GDPD1: variants seen among roughly 807,000 people sequenced by gnomAD.
The protein encoded by GDPD1 is lysophospholipase D GDPD1.
In GDPD1, 28 loss-of-function variants were observed where a neutral mutation model predicts 45.1. That is an observed-to-expected ratio of 0.62 (90% CI 0.46 to 0.85). GDPD1 has a LOEUF of 0.85. Among genes scored for constraint, GDPD1 ranks in the 40% least tolerant of loss-of-function variants. GDPD1 has a pLI of 0.00. For synonymous variants in GDPD1, 139 were observed against 131.4 expected, an observed-to-expected ratio of 1.06 and a Z score of -0.40; for missense variants, 256 against 364.8, an observed-to-expected ratio of 0.70 and a Z score of 2.43.
At chr17:59,235,816 CA>C (rs368914278) in intron 2 of GDPD1, among the ~76,000 whole-genome samples, 37,535 of 97,674 alleles carry the variant, frequency 0.38, 5,115 homozygotes, top group African/African-American at 0.48. Flanking sequence ...GACTCTATCT[CA>C]AAAAAAAAAA....
chr17:59,229,466 C>T (rs1649248510), intron 1 of GDPD1, among the ~76,000 whole-genome samples: 1 of 151,742 alleles, frequency 6.6e-6, no homozygotes, highest in Non-Finnish European at 1.5e-5. Context: ...CTCAGGTGAT[C>T]TGCCCGCCTC....
chr17:59,230,210 C>G (rs1308274597), intron 1 of GDPD1, among the ~76,000 whole-genome samples: 1 of 151,790 alleles, frequency 6.6e-6, no homozygotes, highest in Non-Finnish European at 1.5e-5. Context: ...GAAGGATAAA[C>G]TGTTGAAGTT....
At chr17:59,246,709 C>CAAAAAAAAAA (rs749077536) in intron 3 of GDPD1, among the ~76,000 whole-genome samples, 4 of 27,546 alleles carry the variant, frequency 1.5e-4, no homozygotes, top group African/African-American at 1.6e-4. Context: ...GACTCCATCT[C>CAAAAAAAAAA]AAAAAAAAAA....
chr17:59,226,161 A>C (rs1019471495), intron 1 of GDPD1, among the ~76,000 whole-genome samples: 5 of 152,196 alleles, frequency 3.3e-5, no homozygotes, highest in Non-Finnish European at 7.3e-5. Flanking sequence ...TCTTTGGTAC[A>C]AGTGGTCAGT....
chr17:59,234,197 A>C (rs2047113700), intron 1 of GDPD1, among the ~76,000 whole-genome samples: 1 of 151,956 alleles, frequency 6.6e-6, no homozygotes, highest in African/African-American at 2.4e-5. Context: ...AATACAAAAA[A>C]AAAATTAGCC....
intron 1 of GDPD1, among the ~76,000 whole-genome samples, chr17:59,221,839 G>A (rs1568335551): frequency 6.6e-6 from 1 of 152,134 alleles, no homozygotes; most frequent in African/African-American, 2.4e-5. Context: ...AAAACTTGGT[G>A]TAGTACCATA....
intron 6 of GDPD1, among the ~76,000 whole-genome samples, chr17:59,259,537 A>G (rs1392960317): frequency 7.2e-6 from 1 of 138,738 alleles, no homozygotes; most frequent in Non-Finnish European, 1.5e-5. Context: ...ACTGCACTCC[A>G]GCCTGGGTGA....
At chr17:59,272,691 G>A in intron 8 of GDPD1, 94 bp from the exon 9 acceptor site, 2 of 744,916 alleles carry the variant, frequency 2.7e-6, no homozygotes, top group South Asian at 3.0e-5. Context: ...CTGAAGCATT[G>A]GGATTAAATT....
chr17:59,241,784 T>C (rs1432892656), intron 2 of GDPD1, among the ~76,000 whole-genome samples: 2 of 151,806 alleles, frequency 1.3e-5, no homozygotes, highest in Non-Finnish European at 2.9e-5. Context: ...AAAAATTAGC[T>C]GGGCGTGGTG....
chr17:59,259,047 A>G (rs2047331580), intron 6 of GDPD1, among the ~76,000 whole-genome samples: 1 of 150,900 alleles, frequency 6.6e-6, no homozygotes, highest in Non-Finnish European at 1.5e-5. Context: ...TTTTTTTTTA[A>G]GAAAGAAATT....
At chr17:59,246,182 A>G (rs770325872) in intron 3 of GDPD1, among the ~76,000 whole-genome samples, 5 of 152,170 alleles carry the variant, frequency 3.3e-5, no homozygotes, top group Non-Finnish European at 5.9e-5. Flanking sequence ...ACGGAAGGAA[A>G]AATCATGCAT....
At chr17:59,268,504 G>C (rs536038704) in intron 7 of GDPD1, among the ~76,000 whole-genome samples, 2 of 149,326 alleles carry the variant, frequency 1.3e-5, no homozygotes, top group East Asian at 4.0e-4. Flanking sequence ...GCGTGAGCCT[G>C]GGAGGCAGAG....
intron 4 of GDPD1, among the ~76,000 whole-genome samples, chr17:59,255,918 C>A (rs2047305706): frequency 7.0e-6 from 1 of 143,174 alleles, no homozygotes; most frequent in South Asian, 2.2e-4. Context: ...CGTGGTGGTG[C>A]ATGCCTGTAG....
chr17:59,257,348 C>G (rs968018373), intron 5 of GDPD1, 108 bp downstream of exon 5: 1 of 639,828 alleles, frequency 1.6e-6, no homozygotes, highest in Admixed American at 2.8e-5. Flanking sequence ...AAATGTGATA[C>G]CCTAGGGATC....
chr17:59,235,405 T>C (rs1294310398), intron 2 of GDPD1, among the ~76,000 whole-genome samples: 1 of 152,200 alleles, frequency 6.6e-6, no homozygotes, highest in Admixed American at 6.6e-5. Context: ...GCTATTGTTT[T>C]TTCATATTCT....
chr17:59,272,972 G>T, intron 9 of GDPD1, 136 bp downstream of exon 9: 1 of 1,558,508 alleles, frequency 6.4e-7, no homozygotes, highest in South Asian at 1.2e-5. Context: ...CACAAATGAG[G>T]ACCTTAAGCT....
intron 1 of GDPD1, among the ~76,000 whole-genome samples, chr17:59,233,273 G>A (rs902516799): frequency 1.3e-5 from 2 of 152,114 alleles, no homozygotes; most frequent in Non-Finnish European, 2.9e-5. Flanking sequence ...CAGCACTTTG[G>A]GAGGCTGAAG....
intron 6 of GDPD1, 126 bp from the exon 7 acceptor site, chr17:59,266,915 C>G: frequency 1.3e-6 from 1 of 777,442 alleles, no homozygotes; most frequent in East Asian, 2.5e-5. Flanking sequence ...AATGAATATT[C>G]ATAATCCCAG....
chr17:59,232,510 C>T (rs539522274), intron 1 of GDPD1, among the ~76,000 whole-genome samples: 6 of 151,756 alleles, frequency 4.0e-5, no homozygotes, highest in African/African-American at 9.7e-5. Context: ...AAGTTTTTAA[C>T]GTTGATCATG....
Sources: allele counts gnomAD v4.1 joint callset (sites outside exome capture counted in the v4.1 genomes callset), GRCh38; gene constraint gnomAD v4.1.1; transcripts MANE v1.5; gene names NCBI Gene and HGNC (gene_info 2026-07-23, HGNC 2026-07-21).